ROBO1: variants seen among roughly 807,000 people sequenced by gnomAD.
ROBO1 encodes the protein roundabout homolog 1.
In ROBO1, 149 loss-of-function variants were observed where a neutral mutation model predicts 195.9. The ratio of observed to expected loss-of-function variants is 0.76; its 90% CI spans 0.67 to 0.87. ROBO1 has a LOEUF of 0.87. Among genes scored for constraint, ROBO1 ranks in the 40% least tolerant of loss-of-function variants. ROBO1 has a pLI of 0.00. For missense variants in ROBO1, 1,933 were observed against 2,068.3 expected (o/e 0.93, Z 1.27); for synonymous variants, 816 against 733.2 (o/e 1.11, Z -1.82).
chr3:78,797,780 C>T (rs1419684027), intron 4 of ROBO1, among the ~76,000 whole-genome samples: 1 of 151,968 alleles, frequency 6.6e-6, no homozygotes, highest in African/African-American at 2.4e-5. Flanking sequence ...CAAATTATAA[C>T]CATAGCTTAG....
chr3:78,885,190 T>C (rs1017738365), intron 4 of ROBO1, among the ~76,000 whole-genome samples: 5 of 151,972 alleles, frequency 3.3e-5, no homozygotes, highest in South Asian at 2.1e-4. Context: ...TTCTCACTTA[T>C]AGGTGGAAAC....
chr3:79,353,704 T>C (rs1008476651), intron 2 of ROBO1, among the ~76,000 whole-genome samples: 1 of 152,082 alleles, frequency 6.6e-6, no homozygotes. Context: ...GGCTATGGTG[T>C]TGGTGTGGAG....
chr3:79,135,522 G>T (rs1354771379), intron 2 of ROBO1, among the ~76,000 whole-genome samples: 2 of 152,018 alleles, frequency 1.3e-5, no homozygotes, highest in Non-Finnish European at 2.9e-5. Context: ...TACACACGTG[G>T]AATAATTAAG....
intron 1 of ROBO1, among the ~76,000 whole-genome samples, chr3:79,712,989 C>T (rs1283518859): frequency 6.6e-6 from 1 of 151,928 alleles, no homozygotes; most frequent in African/African-American, 2.4e-5. Context: ...AGGTTTGTTA[C>T]ATAGGTATAC....
chr3:79,019,213 C>T (rs905916953), intron 3 of ROBO1: 51 of 986,172 alleles, frequency 5.2e-5, no homozygotes, highest in African/African-American at 1.2e-4. Context: ...GGCCCCTCGC[C>T]CTCTGGGGCG....
chr3:79,042,278 T>C (rs372442250), intron 3 of ROBO1, among the ~76,000 whole-genome samples: 12 of 152,138 alleles, frequency 7.9e-5, no homozygotes, highest in Non-Finnish European at 1.8e-4. Context: ...CACACACACA[T>C]ATGTATATAT....
chr3:78,888,900 G>C (rs2036721782), intron 4 of ROBO1, among the ~76,000 whole-genome samples: 1 of 152,114 alleles, frequency 6.6e-6, no homozygotes, highest in East Asian at 1.9e-4. Flanking sequence ...AAAACTAACT[G>C]TTCACCTTTG....
At chr3:79,098,017 A>G (rs1053640972) in intron 3 of ROBO1, among the ~76,000 whole-genome samples, 1 of 151,806 alleles carries the variant, frequency 6.6e-6, no homozygotes, top group Non-Finnish European at 1.5e-5. Context: ...TTCCCTCAGT[A>G]TACTTATAAG....
chr3:78,840,430 A>G (rs1280226227), intron 4 of ROBO1, among the ~76,000 whole-genome samples: 1 of 152,192 alleles, frequency 6.6e-6, no homozygotes, highest in Non-Finnish European at 1.5e-5. Context: ...TGAGCCCTCA[A>G]TAAAGTGCCA....
At chr3:79,065,010 G>A (rs535143729) in intron 3 of ROBO1, among the ~76,000 whole-genome samples, 3 of 152,022 alleles carry the variant, frequency 2.0e-5, no homozygotes, top group African/African-American at 2.4e-5. Context: ...ATTAAGAAAC[G>A]AAAAGCTTTC....
At chr3:78,808,958 CACCAA>C (rs2084639182) in intron 4 of ROBO1, among the ~76,000 whole-genome samples, 1 of 152,112 alleles carries the variant, frequency 6.6e-6, no homozygotes, top group South Asian at 2.1e-4. Context: ...ATGACTAAAA[CACCAA>C]AAGCAATGGC....
intron 4 of ROBO1, among the ~76,000 whole-genome samples, chr3:78,870,662 T>G (rs2035490887): frequency 6.6e-6 from 1 of 152,176 alleles, no homozygotes; most frequent in Non-Finnish European, 1.5e-5. Context: ...GAATCATGGC[T>G]GAGCCCATCA....
chr3:79,574,540 A>C (rs971964658), intron 2 of ROBO1, among the ~76,000 whole-genome samples: 1 of 152,036 alleles, frequency 6.6e-6, no homozygotes, highest in Admixed American at 6.6e-5. Context: ...AAGTCAATTA[A>C]GTCCAGTGGC....
intron 2 of ROBO1, among the ~76,000 whole-genome samples, chr3:79,135,502 G>C (rs1026899353): frequency 1.3e-5 from 2 of 152,094 alleles, no homozygotes; most frequent in African/African-American, 4.8e-5. Context: ...AACATACTTA[G>C]TTTTTAGGAT....
chr3:79,348,576 A>C (rs1306052429), intron 2 of ROBO1, among the ~76,000 whole-genome samples: 1 of 152,186 alleles, frequency 6.6e-6, no homozygotes, highest in East Asian at 1.9e-4. Context: ...AACAAATTCT[A>C]ATTAGGATAT....
chr3:79,537,037 AT>A (rs35483494), intron 2 of ROBO1, among the ~76,000 whole-genome samples: 15 of 150,988 alleles, frequency 9.9e-5, no homozygotes, highest in African/African-American at 3.4e-4. Flanking sequence ...AAGAAACAAT[AT>A]TTTTTTTTAA....
chr3:78,744,416 T>C (rs1046828707), intron 5 of ROBO1, among the ~76,000 whole-genome samples: 1 of 152,178 alleles, frequency 6.6e-6, no homozygotes, highest in African/African-American at 2.4e-5. Flanking sequence ...CAGTGTGTTC[T>C]CAAGAGAGCA....
chr3:78,963,664 G>GC (rs2041521679), intron 3 of ROBO1, among the ~76,000 whole-genome samples: 1 of 151,430 alleles, frequency 6.6e-6, no homozygotes, highest in South Asian at 2.1e-4. Flanking sequence ...GACTTCAGGC[G>GC]CCGCCACCAC....
chr3:79,587,211 G>T (rs1469870384), intron 2 of ROBO1, among the ~76,000 whole-genome samples: 1 of 151,062 alleles, frequency 6.6e-6, no homozygotes, highest in Non-Finnish European at 1.5e-5. Context: ...ATTATACAGG[G>T]AGACAAAATG....
Sources: gnomAD v4.1 joint callset for allele counts (sites outside exome capture counted in the v4.1 genomes callset) on GRCh38, gnomAD v4.1.1 for gene constraint, MANE v1.5 for transcripts, NCBI Gene and HGNC (gene_info 2026-07-23, HGNC 2026-07-21) for gene names.